MAK: variants seen among roughly 807,000 people sequenced by gnomAD.
MAK encodes serine/threonine-protein kinase MAK.
In MAK, 65 loss-of-function variants were observed where a neutral mutation model predicts 82.6. The ratio of observed to expected loss-of-function variants is 0.79; its 90% CI spans 0.64 to 0.97. The LOEUF is 0.97. Among genes scored for constraint, MAK ranks in the 50% least tolerant of loss-of-function variants. The pLI is 0.00. For missense variants in MAK, 703 were observed against 780.2 expected, an observed-to-expected ratio of 0.90 and a Z score of 1.18; for synonymous variants, 250 against 274.2, an observed-to-expected ratio of 0.91 and a Z score of 0.87.
chr6:10,836,917 T>G (rs935270421), intron 1 of MAK, among the ~76,000 whole-genome samples: 4 of 152,240 alleles, frequency 2.6e-5, no homozygotes, highest in African/African-American at 9.6e-5. Flanking sequence ...AATTTATCTC[T>G]CATTCTAGTT....
Position 10,830,792 on chromosome 6 carries a change from G to C in MAK, c.-144C>G. 1 of 707,020 alleles carries C rather than the reference G, an allele frequency of 1.4e-6. No homozygotes were observed. The highest frequency in any genetic ancestry group is 2.7e-4 in the Middle Eastern group (1 of 3,736). The allele number at this position is 707,020 out of a possible 1,614,324, so 43.8% of individuals were successfully genotyped here. On this transcript the variant is annotated 5_prime_UTR_variant, in exon 2 of 15. Transcript: ENST00000354489. Reference sequence around the variant, plus strand: ...GACAGGTTTGTCATCATTAAATATAGTCTCTCCCCCAAGATTACAGAGGTT... The same window carrying C: ...GACAGGTTTGTCATCATTAAATATACTCTCTCCCCCAAGATTACAGAGGTT...
At chr6:10,767,284 C>T (rs1241271660) in intron 14 of MAK, among the ~76,000 whole-genome samples, 2 of 152,086 alleles carry the variant, frequency 1.3e-5, no homozygotes, top group Non-Finnish European at 2.9e-5. Context: ...GTGTGAGATG[C>T]GGATCATAAT....
chr6:10,815,658 G>A (rs1158931248), intron 4 of MAK, among the ~76,000 whole-genome samples: 3 of 151,960 alleles, frequency 2.0e-5, no homozygotes, highest in African/African-American at 4.8e-5. Context: ...ACATGGTCTC[G>A]CTATGTTGCC....
Position 10,779,876 on chromosome 6 carries a change from G to A in MAK, c.1466-4417C>T, listed in dbSNP as rs533602915. 4.6e-5 allele frequency among the ~76,000 whole-genome samples: 7 copies of A among 152,164 alleles called. No homozygotes were observed. The East Asian group carries it at 5.8e-4, about 13-fold the overall frequency. ...ATTTTTTTGTATTTTTAGTAGAGAC[G>A]GGGTTTCATTATGTTGGCCAGGCTG... On this transcript the variant is annotated intron_variant, in intron 11 of 14. Coordinates refer to ENST00000354489, the MANE Select transcript of MAK (RefSeq NM_001242957.3).
chr6:10,813,806 G>T lies in MAK; in HGVS notation c.279-83C>A, dbSNP rs548069729. The T allele has an allele frequency of 1.3e-5, 10 of 794,402 alleles. No homozygotes were observed. In the Admixed American group the frequency reaches 1.4e-4, roughly 11 times the overall value. 49.2% of individuals were successfully genotyped at this position (794,402 alleles called of 1,614,324 possible). On this transcript the variant is annotated intron_variant, in intron 4 of 14. Transcript: ENST00000354489. ...GAAGGTTTATATTCCCCCTGCCTTG[G>T]AGCCTCTACTGGCCTCACGATACTG...
chr6:10,834,473 T>A (rs1201512906), intron 1 of MAK, among the ~76,000 whole-genome samples: 2 of 152,156 alleles, frequency 1.3e-5, no homozygotes, highest in Non-Finnish European at 2.9e-5. Flanking sequence ...GCTCTTACTA[T>A]CCCTAATGAG....
At chr6:10,820,429 T>C (rs1777858946) in intron 2 of MAK, among the ~76,000 whole-genome samples, 1 of 152,178 alleles carries the variant, frequency 6.6e-6, no homozygotes, top group Non-Finnish European at 1.5e-5. Context: ...TTCAAATCCT[T>C]GCCCAGTCAC....
intron 4 of MAK, among the ~76,000 whole-genome samples, chr6:10,815,911 A>AGTGTGTGTATATATATATATATAT (rs1233214233): frequency 1.3e-5 from 1 of 78,190 alleles, no homozygotes; most frequent in Non-Finnish European, 2.3e-5. Context: ...AGCTTTATAC[A>AGTGTGTGTATATATATATATATAT]GTATATATAT....
chr6:10,834,851 G>A (rs192837987), intron 1 of MAK, among the ~76,000 whole-genome samples: 1 of 152,190 alleles, frequency 6.6e-6, no homozygotes, highest in Non-Finnish European at 1.5e-5. Flanking sequence ...CGCAGACCCT[G>A]GCTGAATGAC....
intron 11 of MAK, among the ~76,000 whole-genome samples, chr6:10,778,724 A>G (rs1299881517): frequency 6.6e-6 from 1 of 152,152 alleles, no homozygotes; most frequent in East Asian, 1.9e-4. Context: ...TAAGAAAGTG[A>G]AAAAGCAGAG....
In MAK at chr6:10,837,477, C is replaced by A. The variant is rs368113476; in HGVS notation, c.-230+1026G>T. ...GCGGTTGGGGGAACTTTCTCCCTCCCGGTCAAGCCTCGGGAATTGAAGGGC... is the reference window on the plus strand; with the variant it reads ...GCGGTTGGGGGAACTTTCTCCCTCCAGGTCAAGCCTCGGGAATTGAAGGGC... On this transcript the variant is annotated intron_variant, in intron 1 of 14. Transcript: ENST00000354489. Among the ~76,000 whole-genome samples the A allele has an allele frequency of 2.0e-5, 3 of 152,356 alleles. No individual in the cohort carries two copies. In the South Asian group the frequency reaches 6.2e-4, roughly 32 times the overall value.
At chr6:10,792,085 T>C (rs1775137419) in intron 9 of MAK, among the ~76,000 whole-genome samples, 1 of 152,204 alleles carries the variant, frequency 6.6e-6, no homozygotes, top group Admixed American at 6.5e-5. Context: ...GAGACTTGAA[T>C]ATTTAGGATC....
rs1561988458 is a variant in MAK at position 10,813,661 on chromosome 6, G to T, written c.341C>A (p.Ala114Asp). 6.3e-7 allele frequency: 1 copy of T among 1,599,042 alleles called. No homozygotes were observed. Among genetic ancestry groups the T allele is most frequent in the East Asian group, 2.2e-5 (1 of 44,764 alleles). The part of the protein sequence containing the change: ...NIMYQILQGL[A>D]FIHKHGFFHR... ...AAACCTACCATGTTTATGGATAAAA[G>T]CCAGCCCTTGCAATATTTGATACAT... Residue 114 changes from alanine to aspartate, a missense_variant, in exon 5 of 15, where the codon GCT becomes GAT. Transcript: ENST00000354489.
In MAK at chr6:10,791,528, A is replaced by C; in HGVS notation, c.1316+147T>G. 4.3e-6 allele frequency: 3 copies of C among 704,062 alleles called. No individual in the cohort carries two copies. The South Asian group carries it at 5.4e-5, about 13-fold the overall frequency. 43.6% of individuals were successfully genotyped at this position (704,062 alleles called of 1,614,324 possible). A position where few individuals can be genotyped will look rare whatever the true frequency, so the allele number is the denominator to read the frequency against. On this transcript the variant is annotated intron_variant, in intron 10 of 14. Transcript: ENST00000354489. ...GTGATCAACCTGCCTCGGCCTCCCA[A>C]AGTGCTGGGATTACAGGCCTGAGCC...
intron 10 of MAK, among the ~76,000 whole-genome samples, chr6:10,787,778 G>A (rs542146805): frequency 2.3e-4 from 35 of 151,500 alleles, no homozygotes; most frequent in Non-Finnish European, 4.6e-4. Flanking sequence ...GGAGAATGGC[G>A]TGAACCCAGG....
chr6:10,834,055 C>T (rs1034621206), intron 1 of MAK, among the ~76,000 whole-genome samples: 8 of 152,080 alleles, frequency 5.3e-5, no homozygotes, highest in Admixed American at 5.2e-4. Context: ...TTGTTTTGTA[C>T]TACGTTAAAC....
At chr6:10,767,983 G>C (rs777812968) in intron 14 of MAK, among the ~76,000 whole-genome samples, 44 of 151,874 alleles carry the variant, frequency 2.9e-4, no homozygotes, top group Non-Finnish European at 5.9e-4. Context: ...TTTTTTCTAA[G>C]GATTTGCATT....
chr6:10,796,344 C>T (rs1248539982), intron 8 of MAK, 35 bp from the exon 9 acceptor site: 1 of 1,540,872 alleles, frequency 6.5e-7, no homozygotes, highest in African/African-American at 1.4e-5. Flanking sequence ...AAATGGAAAA[C>T]AGTTCCACCT....
intron 14 of MAK, among the ~76,000 whole-genome samples, chr6:10,769,530 G>T (rs1772795525): frequency 6.6e-6 from 1 of 152,138 alleles, no homozygotes; most frequent in Non-Finnish European, 1.5e-5. Context: ...CAAAAGGCAG[G>T]GTGTGAAAGT....
Sources: allele counts gnomAD v4.1 joint callset (sites outside exome capture counted in the v4.1 genomes callset), GRCh38; gene constraint gnomAD v4.1.1; transcripts MANE v1.5; gene names NCBI Gene and HGNC (gene_info 2026-07-23, HGNC 2026-07-21).